Variants in ARL14EP observed in about 807,000 individuals in gnomAD.
ARL14EP encodes ARL14 effector protein.
In ARL14EP, 12 loss-of-function variants were observed where a neutral mutation model predicts 23.1. The ratio of observed to expected loss-of-function variants is 0.52; its 90% CI spans 0.33 to 0.84. ARL14EP has a LOEUF of 0.84. ARL14EP is among the 40% of genes least tolerant of loss of function. ARL14EP has a pLI of 0.02. For missense variants in ARL14EP, 253 were observed against 307.3 expected, an observed-to-expected ratio of 0.82 and a Z score of 1.32; for synonymous variants, 97 against 102.0, an observed-to-expected ratio of 0.95 and a Z score of 0.29.
chr11:30,324,384 G>A (rs1947220642), intron 1 of ARL14EP, among the ~76,000 whole-genome samples: 1 of 151,992 alleles, frequency 6.6e-6, no homozygotes, highest in Admixed American at 6.6e-5. Flanking sequence ...CACTAATAAG[G>A]AGACTGGTAA....
chr11:30,326,572 T>C (rs1374837739), intron 1 of ARL14EP, among the ~76,000 whole-genome samples: 2 of 152,182 alleles, frequency 1.3e-5, no homozygotes, highest in Non-Finnish European at 2.9e-5. Context: ...TGCAGAACTT[T>C]AGCTTATAGG....
At chr11:30,328,187 CG>C (rs1947255859) in intron 1 of ARL14EP, 1 of 151,170 alleles carries the variant, frequency 6.6e-6, no homozygotes, top group African/African-American at 2.4e-5. Context: ...CTTTGTCGCC[CG>C]GGCTGGAGTC....
intron 3 of ARL14EP, 89 bp downstream of exon 3, chr11:30,333,082 G>T: frequency 5.2e-6 from 8 of 1,528,562 alleles, no homozygotes; most frequent in Non-Finnish European, 6.2e-6. Flanking sequence ...GAATTTTCTG[G>T]GTTCATATTT....
At chr11:30,323,618 T>C (rs987133552) in intron 1 of ARL14EP, among the ~76,000 whole-genome samples, 2 of 152,224 alleles carry the variant, frequency 1.3e-5, no homozygotes, top group African/African-American at 4.8e-5. Context: ...GGCCAAAGGC[T>C]AATGTTTATT....
At chr11:30,326,511 C>T (rs1200205164) in intron 1 of ARL14EP, among the ~76,000 whole-genome samples, 1 of 152,174 alleles carries the variant, frequency 6.6e-6, no homozygotes, top group Admixed American at 6.5e-5. Flanking sequence ...GCCACATTGC[C>T]AGAACACAGA....
chr11:30,327,980 A>T lies in ARL14EP; in HGVS notation c.-63-2906A>T, dbSNP rs536251782. ...GACAGAGCGAGACTCCGTCTCAAAA[A>T]ATATATATAAAAAATAAGAAAGGTC... On this transcript the variant is annotated intron_variant, in intron 1 of 3. Transcript: ENST00000282032. 2.0e-5 allele frequency: 3 copies of T among 152,100 alleles called. No homozygotes were observed. The East Asian group carries it at 5.8e-4, about 30-fold the overall frequency. 9.4% of individuals were successfully genotyped at this position (152,100 alleles called of 1,614,324 possible). A position where few individuals can be genotyped will look rare whatever the true frequency, so the allele number is the denominator to read the frequency against.
intron 2 of ARL14EP, 183 bp downstream of exon 2, chr11:30,331,557 G>A: frequency 7.0e-7 from 1 of 1,434,134 alleles, no homozygotes; most frequent in Non-Finnish European, 9.1e-7. Flanking sequence ...AAGATTGGGG[G>A]ATAAAGAAAG....
intron 3 of ARL14EP, among the ~76,000 whole-genome samples, chr11:30,334,847 T>A (rs1198163496): frequency 6.6e-6 from 1 of 152,244 alleles, no homozygotes; most frequent in Non-Finnish European, 1.5e-5. Flanking sequence ...TCATTGACAA[T>A]GTACCTGATC....
intron 1 of ARL14EP, among the ~76,000 whole-genome samples, chr11:30,325,474 A>G (rs529684254): frequency 3.3e-5 from 5 of 152,218 alleles, no homozygotes; most frequent in South Asian, 2.1e-4. Context: ...CACAGGGCTC[A>G]AGCAAAATTC....
intron 1 of ARL14EP, chr11:30,327,995 T>C (rs369315409): frequency 1.8e-4 from 27 of 151,816 alleles, no homozygotes; most frequent in African/African-American, 6.3e-4. Flanking sequence ...ATATAAAAAA[T>C]AAGAAAGGTC....
rs36111177 is a variant in ARL14EP at position 30,334,208 on chromosome 11, C to CTTTTTTTTTTTTTTTTTTTTTTTT, written c.554+1217_554+1240dup. Among the ~76,000 whole-genome samples, 44 of 86,032 alleles carry CTTTTTTTTTTTTTTTTTTTTTTTT rather than the reference C, an allele frequency of 5.1e-4. 6 individuals carry two copies. The East Asian group carries it at 6.6e-3, about 13-fold the overall frequency. 56.4% of individuals were successfully genotyped at this position (86,032 alleles called of 152,430 possible). ...CAGATTTTCAATGTAGACCAGCCTTCTTTTTTTTTTTTTTTTTTTTTTTTT... is the reference window on the plus strand; with the variant it reads ...CAGATTTTCAATGTAGACCAGCCTTCTTTTTTTTTTTTTTTTTTTTTTTTTTTTTTTTTTTTTTTTTTTTTTTTT... On this transcript the variant is annotated intron_variant, in intron 3 of 3. Transcript: ENST00000282032.
intron 3 of ARL14EP, among the ~76,000 whole-genome samples, 199 bp from the exon 4 acceptor site, chr11:30,336,368 T>TA (rs1947331951): frequency 6.6e-6 from 1 of 151,240 alleles, no homozygotes; most frequent in South Asian, 2.1e-4. Flanking sequence ...CAACACTCTA[T>TA]AGAGTTAGGT....
Position 30,332,964 on chromosome 11 carries a change from TA to T in ARL14EP, c.526del (p.Thr176GlnfsTer12). The stretch of plus-strand genomic sequence containing the variant: ...CTGGTAAAAGAGAAAAAAGAAGGCT[TA>T]CAAAAAATGCAACCGCTGGTTCAGA... ...ETGKREKRRL[T>X]KNATAGSDRQ... On this transcript the variant is annotated frameshift_variant, in exon 3 of 4. Coordinates refer to ENST00000282032, the MANE Select transcript of ARL14EP (RefSeq NM_152316.3). LOFTEE classifies it high-confidence loss of function. The T allele has an allele frequency of 1.2e-6, 2 of 1,613,460 alleles. No individual in the cohort carries two copies. Among genetic ancestry groups the T allele is most frequent in the Non-Finnish European group, 1.7e-6 (2 of 1,179,600 alleles).
rs750297451 is a variant in ARL14EP at position 30,336,550 on chromosome 11, T to C, written c.555-17T>C. ...AACATATTTATGAGGTATAATTCAT[T>C]GTGTTTTATTTTACAGACAAGTGAT... is the stretch of plus-strand genomic sequence containing the variant. On this transcript the variant is annotated splice_polypyrimidine_tract_variant and intron_variant, in intron 3 of 3. Coordinates refer to ENST00000282032, the MANE Select transcript of ARL14EP (RefSeq NM_152316.3). 1.2e-4 allele frequency: 184 copies of C among 1,569,558 alleles called. 1 individual carries two copies. Among genetic ancestry groups the C allele is most frequent in the Non-Finnish European group, 1.5e-4 (171 of 1,139,586 alleles).
At chr11:30,335,265 A>C (rs1013748651) in intron 3 of ARL14EP, among the ~76,000 whole-genome samples, 8 of 152,242 alleles carry the variant, frequency 5.3e-5, no homozygotes, top group African/African-American at 1.9e-4. Context: ...TTCTTCTTAG[A>C]GATGAGCAAA....
At position 30,331,163 on chromosome 11, in the gene ARL14EP, A is replaced by G; in HGVS notation, c.215A>G (p.Gln72Arg). 1.9e-6 allele frequency: 3 copies of G among 1,613,992 alleles called. No homozygotes were observed. Among genetic ancestry groups the G allele is most frequent in the Non-Finnish European group, 8.5e-7 (1 of 1,179,842 alleles). Reference sequence around the variant, plus strand: ...TACATTGACAGATTTGAGGATTTACAGAAGTCATGTTGTGACCCATTTAAC... The same window carrying G: ...TACATTGACAGATTTGAGGATTTACGGAAGTCATGTTGTGACCCATTTAAC... Reference protein sequence around the residue: ...KIYIDRFEDLQKSCCDPFNIH... With the variant: ...KIYIDRFEDLRKSCCDPFNIH... Residue 72 changes from glutamine (Q) to arginine (R), a missense_variant, in exon 2 of 4, where the codon CAG becomes CGG. Gln to Arg is a conservative substitution (Grantham distance 43). Transcript: ENST00000282032.
chr11:30,326,811 GGTGTGT>G, intron 1 of ARL14EP, among the ~76,000 whole-genome samples: 1 of 65,466 alleles, frequency 1.5e-5, no homozygotes, highest in South Asian at 6.8e-4. Flanking sequence ...CCTTGACTCA[GGTGTGT>G]GCAGTTTTAC....
intron 1 of ARL14EP, among the ~76,000 whole-genome samples, chr11:30,326,082 C>T (rs1381075607): frequency 6.6e-6 from 1 of 152,102 alleles, no homozygotes; most frequent in Non-Finnish European, 1.5e-5. Context: ...AATAATCTTC[C>T]CTAGAGTTAG....
chr11:30,337,018 A>T lies in ARL14EP; in HGVS notation c.*223A>T. 1 of 544,526 alleles carries T rather than the reference A, an allele frequency of 1.8e-6. No homozygotes were observed. The highest frequency in any genetic ancestry group is 3.3e-6 in the Non-Finnish European group (1 of 305,258). 33.7% of individuals were successfully genotyped at this position (544,526 alleles called of 1,614,324 possible). ...AAGCCTGTCTGGATCAATATAAACA[A>T]GTAGGGTGTAGGCAGTCCTCTATTT... is the stretch of plus-strand genomic sequence containing the variant. On this transcript the variant is annotated 3_prime_UTR_variant, in exon 4 of 4. Coordinates refer to ENST00000282032, the MANE Select transcript of ARL14EP (RefSeq NM_152316.3).
Sources: gnomAD v4.1 joint callset for allele counts (sites outside exome capture counted in the v4.1 genomes callset) on GRCh38, gnomAD v4.1.1 for gene constraint, MANE v1.5 for transcripts, NCBI Gene and HGNC (gene_info 2026-07-23, HGNC 2026-07-21) for gene names.